ZSWIM3: variants seen among roughly 807,000 people sequenced by gnomAD.
The protein encoded by ZSWIM3 is zinc finger SWIM domain-containing protein 3.
Under a neutral mutation model 47.5 loss-of-function variants are expected in ZSWIM3, and 27 were observed. The observed-to-expected ratio is 0.57, with a 90% CI of 0.42 to 0.78. ZSWIM3 has a LOEUF of 0.78. Ranked by LOEUF, ZSWIM3 falls within the 30% of genes least tolerant of loss-of-function variation. ZSWIM3 has a pLI of 0.00. For missense variants in ZSWIM3, 689 were observed against 861.3 expected, an observed-to-expected ratio of 0.80 and a Z score of 2.50; for synonymous variants, 333 against 333.9, an observed-to-expected ratio of 1.00 and a Z score of 0.03.
intron 1 of ZSWIM3, among the ~76,000 whole-genome samples, chr20:45,868,112 A>C (rs1985887531): frequency 6.6e-6 from 1 of 152,248 alleles, no homozygotes; most frequent in Admixed American, 6.5e-5. Context: ...GAAGAGATAC[A>C]TTAAGCATCA....
At chr20:45,865,457 C>T (rs529683336) in intron 1 of ZSWIM3, among the ~76,000 whole-genome samples, 2 of 152,026 alleles carry the variant, frequency 1.3e-5, no homozygotes, top group South Asian at 4.1e-4. Flanking sequence ...CACTGTACTC[C>T]AGCCTGGGTG....
In ZSWIM3 at chr20:45,877,369, G is replaced by C; in HGVS notation, c.811G>C (p.Glu271Gln). 1.9e-6 allele frequency: 3 copies of C among 1,614,202 alleles called. No individual in the cohort carries two copies. Among genetic ancestry groups the C allele is most frequent in the Non-Finnish European group, 2.5e-6 (3 of 1,180,036 alleles). Residue 271 changes from glutamate (E) to glutamine (Q), a missense_variant, in exon 2 of 2, where the codon GAG becomes CAG. Physicochemically the swap from Glu to Gln is conservative, Grantham distance 29 (BLOSUM62 2). Coordinates refer to ENST00000255152, the MANE Select transcript of ZSWIM3 (RefSeq NM_080752.4). ...SVAKMLSIFT[E>Q]FNSDWPKVKV... ...GGCCAAGATGCTGAGCATCTTCACA[G>C]AGTTCAACTCCGATTGGCCCAAGGT... is the stretch of plus-strand genomic sequence containing the variant.
At chr20:45,858,413 C>T (rs2145783379) in intron 1 of ZSWIM3, among the ~76,000 whole-genome samples, 1 of 152,314 alleles carries the variant, frequency 6.6e-6, no homozygotes, top group Non-Finnish European at 1.5e-5. Context: ...GAAACAGGGT[C>T]TCACTCTGTC....
chr20:45,858,072 G>T, intron 1 of ZSWIM3, 92 bp downstream of exon 1: 1 of 1,358,348 alleles, frequency 7.4e-7, no homozygotes, highest in Non-Finnish European at 1.0e-6. Context: ...GCATAGGCAC[G>T]CATTGGGCTG....
Position 45,877,892 on chromosome 20 carries a change from G to A in ZSWIM3, c.1334G>A (p.Arg445Gln), listed in dbSNP as rs148673439. 6.2e-5 allele frequency: 100 copies of A among 1,614,118 alleles called. No individual in the cohort carries two copies. Among genetic ancestry groups the A allele is most frequent in the East Asian group, 8.9e-5 (4 of 44,894 alleles). The change falls in exon 2 of 2, where the codon CGG becomes CAG. Residue 445 changes from arginine (R) to glutamine (Q), a missense_variant. Arg to Gln is a conservative substitution (Grantham distance 43). Coordinates refer to ENST00000255152, the MANE Select transcript of ZSWIM3 (RefSeq NM_080752.4). ...PTPPPKLKRA[R>Q]PASMPLKSKK... The stretch of plus-strand genomic sequence containing the variant: ...CCTCCTCCCAAATTAAAGAGAGCTC[G>A]GCCGGCAAGCATGCCACTGAAGTCC...
At position 45,871,353 on chromosome 20, in the gene ZSWIM3, AGGTAAAGGAGCCAAT is replaced by A. The variant is rs142179907; in HGVS notation, c.156-5357_156-5343del. ...TTGTGTTTTTCTACTGTAACTATAG[AGGTAAAGGAGCCAAT>A]GGTGTTTCCAGTGTCTGGCACATAA... On this transcript the variant is annotated intron_variant, in intron 1 of 1. Transcript: ENST00000255152. Among the ~76,000 whole-genome samples, 914 of 152,304 alleles carry A rather than the reference AGGTAAAGGAGCCAAT, an allele frequency of 6.0e-3. 4 individuals carry two copies. The highest frequency in any genetic ancestry group is 0.02 in the African/African-American group (821 of 41,566).
chr20:45,857,694 C>T lies in ZSWIM3; in HGVS notation c.-132C>T. On this transcript the variant is annotated 5_prime_UTR_variant, in exon 1 of 2. Coordinates refer to ENST00000255152, the MANE Select transcript of ZSWIM3 (RefSeq NM_080752.4). ...TCCCTGAGTTCCAGAATAGGCCACC[C>T]AGTTGGGGCGGACCCTTAAGGCATT... 1 of 1,128,502 alleles carries T rather than the reference C, an allele frequency of 8.9e-7. No individual in the cohort carries two copies. Among genetic ancestry groups the T allele is most frequent in the Non-Finnish European group, 1.3e-6 (1 of 784,518 alleles). 69.9% of individuals were successfully genotyped at this position (1,128,502 alleles called of 1,614,324 possible). A position where few individuals can be genotyped will look rare whatever the true frequency, so the allele number is the denominator to read the frequency against.
At position 45,857,789 on chromosome 20, in the gene ZSWIM3, C is replaced by A. The variant is rs748864727; in HGVS notation, c.-37C>A. On this transcript the variant is annotated 5_prime_UTR_variant, in exon 1 of 2. In the 5' UTR this introduces an upstream ATG that the reference lacks. Transcript: ENST00000255152. ...CCCCTGGTGTGATCTTGGGCCCGGGCTGGGACCAGCCCCTAGTGTGGGTTG... is the reference window on the plus strand; with the variant it reads ...CCCCTGGTGTGATCTTGGGCCCGGGATGGGACCAGCCCCTAGTGTGGGTTG... 4 of 1,606,510 alleles carry A rather than the reference C, an allele frequency of 2.5e-6. No individual in the cohort carries two copies. In the South Asian group the frequency reaches 3.3e-5, roughly 13 times the overall value.
chr20:45,873,988 A>T (rs1184684743), intron 1 of ZSWIM3, among the ~76,000 whole-genome samples: 2 of 152,230 alleles, frequency 1.3e-5, no homozygotes, highest in African/African-American at 4.8e-5. Flanking sequence ...TTGAATCATC[A>T]CTTTAAGCCT....
intron 1 of ZSWIM3, among the ~76,000 whole-genome samples, chr20:45,875,115 TGCAA>T (rs1490391817): frequency 1.4e-5 from 2 of 139,688 alleles, no homozygotes; most frequent in Non-Finnish European, 3.0e-5. Flanking sequence ...CTTGGCTCAC[TGCAA>T]GCAAGCTCCG....
In ZSWIM3 at chr20:45,877,579, G is replaced by C. The variant is rs763779477; in HGVS notation, c.1021G>C (p.Val341Leu). 4 of 1,614,080 alleles carry C rather than the reference G, an allele frequency of 2.5e-6. No homozygotes were observed. The highest frequency in any genetic ancestry group is 3.3e-5 in the Admixed American group (2 of 59,996). The change falls in exon 2 of 2, where the codon GTC becomes CTC. Residue 341 changes from valine (V) to leucine (L), a missense_variant. Val to Leu is a conservative substitution (Grantham distance 32). Transcript: ENST00000255152. ...MKEALREAVF[V>L]TSEASLKNLC... ...GGAAGCCCTGCGGGAGGCCGTGTTTGTCACTTCTGAAGCCAGCCTGAAAAA... is the reference window on the plus strand; with the variant it reads ...GGAAGCCCTGCGGGAGGCCGTGTTTCTCACTTCTGAAGCCAGCCTGAAAAA...
intron 1 of ZSWIM3, among the ~76,000 whole-genome samples, chr20:45,865,659 CAT>C (rs1178085843): frequency 6.6e-6 from 1 of 152,034 alleles, no homozygotes; most frequent in Non-Finnish European, 1.5e-5. Context: ...AACCTCTTCA[CAT>C]AGTTTCATCC....
intron 1 of ZSWIM3, among the ~76,000 whole-genome samples, chr20:45,864,628 C>T (rs1250978534): frequency 1.3e-5 from 2 of 152,138 alleles, no homozygotes; most frequent in Non-Finnish European, 2.9e-5. Flanking sequence ...TTTGGGAGGT[C>T]GAGGCGGGCG....
At chr20:45,876,014 C>CTGTT (rs1229806001) in intron 1 of ZSWIM3, among the ~76,000 whole-genome samples, 2 of 136,156 alleles carry the variant, frequency 1.5e-5, no homozygotes, top group Non-Finnish European at 3.2e-5. Context: ...CGGGTTTTTC[C>CTGTT]TGTTTGTTTG....
In ZSWIM3 at chr20:45,878,862, C is replaced by T. The variant is rs1346928280; in HGVS notation, c.*213C>T. 1.6e-6 allele frequency: 1 copy of T among 631,462 alleles called. No homozygotes were observed. Among genetic ancestry groups the T allele is most frequent in the Non-Finnish European group, 2.6e-6 (1 of 390,486 alleles). The allele number at this position is 631,462 out of a possible 1,614,324, so 39.1% of individuals were successfully genotyped here. A position where few individuals can be genotyped will look rare whatever the true frequency, so the allele number is the denominator to read the frequency against. On this transcript the variant is annotated 3_prime_UTR_variant, in exon 2 of 2. Coordinates refer to ENST00000255152, the MANE Select transcript of ZSWIM3 (RefSeq NM_080752.4). ...CCCTACTTTTGGCATTCCTTGGGAG[C>T]CTCAGTTGTTGTTCAAGGCCAAAGT...
chr20:45,868,244 C>T (rs890653189), intron 1 of ZSWIM3, among the ~76,000 whole-genome samples: 2 of 152,050 alleles, frequency 1.3e-5, no homozygotes, highest in Non-Finnish European at 2.9e-5. Context: ...TACCAGTTAA[C>T]AAAGGAAGAA....
chr20:45,870,155 A>C (rs1985941614), intron 1 of ZSWIM3, among the ~76,000 whole-genome samples: 2 of 151,932 alleles, frequency 1.3e-5, no homozygotes, highest in Non-Finnish European at 2.9e-5. Flanking sequence ...CAGCCTGACC[A>C]ACATGGTAAA....
In ZSWIM3 at chr20:45,857,938, T is replaced by A. The variant is rs767745588; in HGVS notation, c.113T>A (p.Phe38Tyr). 1.5e-6 allele frequency: 2 copies of A among 1,342,200 alleles called. No homozygotes were observed. Among genetic ancestry groups the A allele is most frequent in the Non-Finnish European group, 2.0e-6 (2 of 1,020,304 alleles). The allele number at this position is 1,342,200 out of a possible 1,614,324, so 83.1% of individuals were successfully genotyped here. ...FILRDCVSVR[F>Y]HNLNHGTSIR... ...CTCAGGGACTGCGTCTCCGTCCGCT[T>A]CCACAACCTCAACCATGGCACCTCC... The change falls in exon 1 of 2, where the codon TTC becomes TAC. Residue 38 changes from phenylalanine to tyrosine, a missense_variant. Physicochemically the swap from Phe to Tyr is conservative, Grantham distance 22. Coordinates refer to ENST00000255152, the MANE Select transcript of ZSWIM3 (RefSeq NM_080752.4).
At chr20:45,867,884 A>G (rs1274116979) in intron 1 of ZSWIM3, among the ~76,000 whole-genome samples, 1 of 152,202 alleles carries the variant, frequency 6.6e-6, no homozygotes, top group Non-Finnish European at 1.5e-5. Flanking sequence ...GGAACTTTAC[A>G]AGAATTGTCT....
Sources: allele counts gnomAD v4.1 joint callset (sites outside exome capture counted in the v4.1 genomes callset), GRCh38; gene constraint gnomAD v4.1.1; transcripts MANE v1.5; gene names NCBI Gene and HGNC (gene_info 2026-07-23, HGNC 2026-07-21).